The following PDE11A variants were observed in gnomAD, a reference collection of about 807,000 sequenced individuals.
PDE11A encodes phosphodiesterase 11A.
Under a neutral mutation model 100.5 loss-of-function variants are expected in PDE11A, and 100 were observed. The ratio of observed to expected loss-of-function variants is 1.00; its 90% CI spans 0.85 to 1.18. PDE11A has a LOEUF of 1.18. PDE11A is among the 50% of genes most tolerant of loss of function. PDE11A has a pLI of 0.00. For missense variants in PDE11A, 1,141 were observed against 1,152.6 expected, an observed-to-expected ratio of 0.99 and a Z score of 0.15; for synonymous variants, 381 against 420.8, an observed-to-expected ratio of 0.91 and a Z score of 1.16.
intron 5 of PDE11A, among the ~76,000 whole-genome samples, chr2:177,866,690 T>G (rs1440171822): frequency 1.3e-5 from 2 of 152,234 alleles, no homozygotes; most frequent in Non-Finnish European, 2.9e-5. Flanking sequence ...ATATATTGTA[T>G]TCGCTTGTAC....
intron 9 of PDE11A, among the ~76,000 whole-genome samples, chr2:177,798,032 C>T (rs2082729549): frequency 3.3e-5 from 5 of 152,122 alleles, no homozygotes; most frequent in Admixed American, 6.5e-5. Flanking sequence ...AGCCTCAGGC[C>T]CTGCCTCTCC....
intron 9 of PDE11A, among the ~76,000 whole-genome samples, chr2:177,792,145 A>G (rs1410079387): frequency 1.3e-5 from 2 of 152,176 alleles, no homozygotes; most frequent in Admixed American, 1.3e-4. Flanking sequence ...TCTGTTTTAA[A>G]GTGAGGCTGT....
At chr2:177,685,856 C>T (rs114881106) in intron 15 of PDE11A, among the ~76,000 whole-genome samples, 5,781 of 152,292 alleles carry the variant, frequency 0.038, 144 homozygotes, top group Middle Eastern at 0.085. Flanking sequence ...TGTGAGCCAT[C>T]GTGCTGGCCC....
At chr2:177,998,097 C>CTG (rs1050508194) in intron 2 of PDE11A, 1 of 1,299,872 alleles carries the variant, frequency 7.7e-7, no homozygotes, top group Non-Finnish European at 1.1e-6. Flanking sequence ...GATTGAAGGT[C>CTG]TGTTCTAGGT....
intron 5 of PDE11A, among the ~76,000 whole-genome samples, chr2:177,851,683 G>T (rs1185832614): frequency 6.6e-6 from 1 of 152,134 alleles, no homozygotes. Context: ...CACAAGCTTT[G>T]TATCCCAAAC....
rs1473383022 is a variant in PDE11A, at chr2:177,898,120, C to T, written c.1240G>A (p.Ala414Thr). 1.9e-6 allele frequency: 3 copies of T among 1,611,174 alleles called. No individual in the cohort carries two copies. The highest frequency in any genetic ancestry group is 2.2e-5 in the East Asian group (1 of 44,864). The change falls in exon 4 of 20, where the codon GCC becomes ACC. Residue 414 changes from alanine (A) to threonine (T), a missense_variant. Transcript: ENST00000286063. ...EKIVKKIMHR[A>T]QTLLKCERCS... ...CGTTCACATTTCAGCAGAGTTTGGG[C>T]CCGATGCATTATTTTCTTGACAATT...
At chr2:177,993,826 T>C (rs75182864) in intron 2 of PDE11A, among the ~76,000 whole-genome samples, 2,246 of 152,046 alleles carry the variant, frequency 0.015, 47 homozygotes, top group East Asian at 0.092. Flanking sequence ...AGTTACCTCA[T>C]CTATAAAGAA....
intron 5 of PDE11A, among the ~76,000 whole-genome samples, chr2:177,861,336 CA>C (rs2105669823): frequency 6.6e-6 from 1 of 150,740 alleles, no homozygotes; most frequent in East Asian, 2.0e-4. Context: ...ACAATAATAT[CA>C]AAAAGAAAAA....
rs753542330 is a variant in PDE11A, at chr2:178,014,418, T to A, written c.955A>T (p.Lys319Ter). ...GGCATGCACAATAATGATTTTGTCT[T>A]GTATCCAGTTAGCTTGTCGATTTCA... is the stretch of plus-strand genomic sequence containing the variant. The part of the protein sequence containing the change: ...NDEIDKLTGY[K>*]TKSLLCMPIR... Residue 319 changes from lysine to a stop codon, truncating the protein, a stop_gained, in exon 2 of 20, where the codon AAG (lysine) becomes TAG (stop). Coordinates refer to ENST00000286063, the MANE Select transcript of PDE11A (RefSeq NM_016953.4). LOFTEE classifies it high-confidence loss of function. The A allele has an allele frequency of 6.2e-7, 1 of 1,613,268 alleles. No homozygotes were observed. The highest frequency in any genetic ancestry group is 1.1e-5 in the South Asian group (1 of 91,064).
chr2:177,645,098 G>C (rs994220217), intron 19 of PDE11A, among the ~76,000 whole-genome samples: 30 of 152,348 alleles, frequency 2.0e-4, no homozygotes, highest in African/African-American at 7.0e-4. Flanking sequence ...TGGAACCAGA[G>C]TGGCCATCTT....
chr2:177,676,468 C>A (rs1012162287), intron 16 of PDE11A, among the ~76,000 whole-genome samples: 1 of 152,204 alleles, frequency 6.6e-6, no homozygotes, highest in African/African-American at 2.4e-5. Context: ...TCATACCCTG[C>A]CAGATCTAAT....
Position 177,811,189 on chromosome 2 carries a change from G to A in PDE11A, c.1737+5640C>T, listed in dbSNP as rs184279565. The stretch of plus-strand genomic sequence containing the variant: ...TCTGTATTGTGGCTTTTAGAAAAAG[G>A]TTCCTCCTTTTACCTAAGAATTTCT... On this transcript the variant is annotated intron_variant, in intron 9 of 19. Coordinates refer to ENST00000286063, the MANE Select transcript of PDE11A (RefSeq NM_016953.4). Among the ~76,000 whole-genome samples, 551 of 152,086 alleles carry A rather than the reference G, an allele frequency of 3.6e-3. 2 individuals are homozygous for A. Among genetic ancestry groups the A allele is most frequent in the Non-Finnish European group, 6.1e-3 (415 of 67,990 alleles).
At chr2:177,647,210 A>G (rs916028133) in intron 19 of PDE11A, among the ~76,000 whole-genome samples, 2 of 152,244 alleles carry the variant, frequency 1.3e-5, no homozygotes, top group Non-Finnish European at 2.9e-5. Flanking sequence ...TTATTTTTTC[A>G]AAGTTCAATG....
rs564835719 is a variant in PDE11A at position 177,971,132 on chromosome 2, C to A, written c.1071+43170G>T. Among the ~76,000 whole-genome samples the A allele has an allele frequency of 3.9e-5, 6 of 152,270 alleles. No individual in the cohort carries two copies. The South Asian group carries it at 1.0e-3, about 26-fold the overall frequency. On this transcript the variant is annotated intron_variant, in intron 2 of 19. Transcript: ENST00000286063. ...CAAGAAAACCCTACCTCTTCATGTT[C>A]CAACAAACATTGCTGTATAGAAAAA... is the stretch of plus-strand genomic sequence containing the variant.
chr2:177,844,626 G>C (rs2083550768), intron 5 of PDE11A, among the ~76,000 whole-genome samples: 1 of 151,544 alleles, frequency 6.6e-6, no homozygotes. Context: ...GTGGAGGGAA[G>C]GTCAGCAGAT....
intron 2 of PDE11A, among the ~76,000 whole-genome samples, chr2:177,955,818 C>T (rs951310021): frequency 1.3e-5 from 2 of 152,098 alleles, no homozygotes; most frequent in Non-Finnish European, 2.9e-5. Flanking sequence ...GAAAGGATTC[C>T]CTATTTAATA....
intron 10 of PDE11A, among the ~76,000 whole-genome samples, chr2:177,762,261 C>T (rs1244054401): frequency 6.6e-6 from 1 of 152,176 alleles, no homozygotes; most frequent in Non-Finnish European, 1.5e-5. Flanking sequence ...TAGCTCTGTG[C>T]ACACTGAACG....
chr2:177,760,183 T>C (rs1467004118), intron 10 of PDE11A, among the ~76,000 whole-genome samples: 2 of 152,200 alleles, frequency 1.3e-5, no homozygotes, highest in East Asian at 1.9e-4. Flanking sequence ...ATGCTAACCC[T>C]GCCCTCACCA....
chr2:177,925,952 G>T (rs1015546992), intron 2 of PDE11A, among the ~76,000 whole-genome samples: 1 of 152,176 alleles, frequency 6.6e-6, no homozygotes, highest in African/African-American at 2.4e-5. Flanking sequence ...ACTTTTCTCT[G>T]CAAGTGCTAC....
Sources: gnomAD v4.1 joint callset for allele counts (sites outside exome capture counted in the v4.1 genomes callset) on GRCh38, gnomAD v4.1.1 for gene constraint, MANE v1.5 for transcripts, NCBI Gene and HGNC (gene_info 2026-07-23, HGNC 2026-07-21) for gene names.